The following PXK variants were observed in gnomAD, a reference collection of about 807,000 sequenced individuals.
PXK encodes PX domain containing serine/threonine kinase like.
A neutral mutation model predicts 84.7 loss-of-function variants in PXK; 35 were observed. The observed-to-expected ratio is 0.41, with a 90% CI of 0.32 to 0.55. The LOEUF is 0.55. Ranked by LOEUF, PXK falls within the 20% of genes least tolerant of loss-of-function variation. PXK has a pLI of 0.21. For synonymous variants in PXK, 253 were observed against 260.8 expected, an observed-to-expected ratio of 0.97 and a Z score of 0.29; for missense variants, 634 against 699.7, an observed-to-expected ratio of 0.91 and a Z score of 1.06.
intron 15 of PXK, 72 bp from the exon 16 acceptor site, chr3:58,410,017 CT>C: frequency 1.0e-6 from 1 of 957,520 alleles, no homozygotes; most frequent in Non-Finnish European, 1.6e-6. Context: ...TATTTTTATT[CT>C]AACTCCCAGC....
chr3:58,357,993 C>A (rs1000599650), intron 1 of PXK, among the ~76,000 whole-genome samples: 28 of 151,718 alleles, frequency 1.8e-4, no homozygotes, highest in Admixed American at 7.9e-4. Context: ...AACAAAAAAA[C>A]CAAGAAAGAA....
chr3:58,412,931 C>G lies in PXK; in HGVS notation c.1496C>G (p.Ser499Cys), dbSNP rs753477608. The change falls in exon 17 of 18, where the codon TCC becomes TGC. Residue 499 changes from serine to cysteine, a missense_variant. Around this residue, in one of 3 missense-constraint regions of PXK, gnomAD observed 273 missense variants for 283.6 expected, o/e 0.96. Coordinates refer to ENST00000356151, the MANE Select transcript of PXK (RefSeq NM_017771.5). This position sits in a 1 kb window ranked among gnomAD's most constrained non-coding sequence, Gnocchi z 6.2. Reference protein sequence around the residue: ...AGSGASSPLTSPSSPTPPSTS... With the variant: ...AGSGASSPLTCPSSPTPPSTS... ...TCTGGGGCCAGCTCACCTCTCACGT[C>G]CCCGTCATCGCCAACTCCACCCTCT... 1 of 1,614,160 alleles carries G rather than the reference C, an allele frequency of 6.2e-7. No homozygotes were observed. The highest frequency in any genetic ancestry group is 1.7e-5 in the Admixed American group (1 of 60,026).
Position 58,391,272 on chromosome 3 carries a change from G to T in PXK, c.540+52G>T, listed in dbSNP as rs758617075. 4 of 1,444,508 alleles carry T rather than the reference G, an allele frequency of 2.8e-6. No homozygotes were observed. The South Asian group carries it at 4.6e-5, about 17-fold the overall frequency. 89.5% of individuals were successfully genotyped at this position (1,444,508 alleles called of 1,614,324 possible). A position where few individuals can be genotyped will look rare whatever the true frequency, so the allele number is the denominator to read the frequency against. The stretch of plus-strand genomic sequence containing the variant: ...CTTCAGTGACTTTAGATGGGTTAAT[G>T]AAAGCAGATTTGACAAGAGAATTAC... On this transcript the variant is annotated intron_variant, in intron 6 of 17. Transcript: ENST00000356151.
intron 17 of PXK, chr3:58,423,430 CGT>C: frequency 6.6e-7 from 1 of 1,523,116 alleles, no homozygotes; most frequent in Non-Finnish European, 8.8e-7. Context: ...AGAGCATGAG[CGT>C]GTGTATTTGT....
In PXK at chr3:58,424,962, G is replaced by T. The variant is rs563036901; in HGVS notation, c.*2G>T. The T allele has an allele frequency of 5.8e-5, 94 of 1,614,052 alleles. No homozygotes were observed. In the South Asian group the frequency reaches 1.0e-3, roughly 17 times the overall value. On this transcript the variant is annotated 3_prime_UTR_variant, in exon 18 of 18. Transcript: ENST00000356151. ...CACAGTGCTCCGAAGATCGGCTGAA[G>T]CTTCCTGTTTACACTTGGAGGGAAA...
intron 1 of PXK, among the ~76,000 whole-genome samples, chr3:58,352,577 A>T (rs985070288): frequency 3.0e-4 from 45 of 151,630 alleles, no homozygotes; most frequent in African/African-American, 1.1e-3. Flanking sequence ...AAAGTTTGGT[A>T]TTTTTTTTCT....
intron 4 of PXK, among the ~76,000 whole-genome samples, chr3:58,384,815 A>T (rs1490188462): frequency 6.6e-6 from 1 of 152,200 alleles, no homozygotes; most frequent in Admixed American, 6.5e-5. Flanking sequence ...GCAGGCACAA[A>T]TAAATGTGTT....
At position 58,336,051 on chromosome 3, in the gene PXK, ATATATATATATATATATATATTTTT is replaced by A. The variant is rs1311594267; in HGVS notation, c.102+2963_102+2987del. ...AACCTTGGGAAACATATATATATAT[ATATATATATATATATATATATTTTT>A]TTTTTTTTTTTTTAATACCAATGGG... On this transcript the variant is annotated intron_variant, in intron 1 of 17. Coordinates refer to ENST00000356151, the MANE Select transcript of PXK (RefSeq NM_017771.5). 9.5e-3 allele frequency among the ~76,000 whole-genome samples: 492 copies of A among 52,060 alleles called. 15 individuals carry two copies. The highest frequency in any genetic ancestry group is 0.054 in the African/African-American group (456 of 8,416). 34.2% of individuals were successfully genotyped at this position (52,060 alleles called of 152,430 possible). A position where few individuals can be genotyped will look rare whatever the true frequency, so the allele number is the denominator to read the frequency against.
At chr3:58,352,094 T>C (rs1246855166) in intron 1 of PXK, among the ~76,000 whole-genome samples, 2 of 152,220 alleles carry the variant, frequency 1.3e-5, no homozygotes, top group East Asian at 3.8e-4. Flanking sequence ...TCCAGATCTC[T>C]GTGACTGGAA....
In PXK at chr3:58,340,706, CAA is replaced by C. The variant is rs373596108; in HGVS notation, c.102+7617_102+7618del. ...CACCATTGCACTCCAGCCTTGGTAA[CAA>C]GAGGGAAACTCTGTCTCAAAAAAAA... On this transcript the variant is annotated intron_variant, in intron 1 of 17. Coordinates refer to ENST00000356151, the MANE Select transcript of PXK (RefSeq NM_017771.5). Among the ~76,000 whole-genome samples, 244 of 150,290 alleles carry C rather than the reference CAA, an allele frequency of 1.6e-3. 2 individuals carry two copies. The highest frequency in any genetic ancestry group is 5.3e-3 in the African/African-American group (217 of 40,626).
At chr3:58,371,468 T>G (rs942092489) in intron 3 of PXK, among the ~76,000 whole-genome samples, 2 of 152,262 alleles carry the variant, frequency 1.3e-5, no homozygotes, top group Non-Finnish European at 2.9e-5. Context: ...TGTTTCTGCC[T>G]TTATGCTCAA....
In PXK at chr3:58,348,811, G is replaced by T. The variant is rs146317210; in HGVS notation, c.102+15721G>T. ...ACCTGTAGTCTCAGCTACTCAGGAG[G>T]TTGAGTAGAAGAATCCCTTGAGCCC... On this transcript the variant is annotated intron_variant, in intron 1 of 17. Transcript: ENST00000356151. Among the ~76,000 whole-genome samples, 1,040 of 152,106 alleles carry T rather than the reference G, an allele frequency of 6.8e-3. 10 individuals carry two copies. The highest frequency in any genetic ancestry group is 9.2e-3 in the Non-Finnish European group (626 of 67,976).
intron 1 of PXK, among the ~76,000 whole-genome samples, chr3:58,345,154 G>A (rs1192587720): frequency 6.6e-6 from 1 of 152,168 alleles, no homozygotes; most frequent in Non-Finnish European, 1.5e-5. Context: ...GTACTAAAGG[G>A]CCCCTCTGCC....
rs375639774 is a variant in PXK at position 58,356,896 on chromosome 3, C to T, written c.103-8978C>T. ...GATTAGAGGCGTGAGCCACTGCGCC[C>T]GGCCTCTTTTTTTTTTTTTGTTCAC... On this transcript the variant is annotated intron_variant, in intron 1 of 17. Transcript: ENST00000356151. 7.2e-3 allele frequency among the ~76,000 whole-genome samples: 442 copies of T among 61,472 alleles called. 1 individual carries two copies. The highest frequency in any genetic ancestry group is 0.017 in the African/African-American group (419 of 24,298). The allele number at this position is 61,472 out of a possible 152,430, so 40.3% of individuals were successfully genotyped here.
Position 58,332,914 on chromosome 3 carries a change from C to G in PXK, c.-75C>G. The G allele has an allele frequency of 3.1e-6, 3 of 979,340 alleles. No homozygotes were observed. The highest frequency in any genetic ancestry group is 2.8e-5 in the South Asian group (1 of 35,312). The allele number at this position is 979,340 out of a possible 1,614,324, so 60.7% of individuals were successfully genotyped here. Reference sequence around the variant, plus strand: ...CGTGTTGACAGCGGCGGCGGTGGAACCGGGCGGGCGGCGGGAGTCGGCGCC... The same window carrying G: ...CGTGTTGACAGCGGCGGCGGTGGAAGCGGGCGGGCGGCGGGAGTCGGCGCC... On this transcript the variant is annotated 5_prime_UTR_variant, in exon 1 of 18. Transcript: ENST00000356151. This position sits in a 1 kb window ranked among gnomAD's most constrained non-coding sequence, Gnocchi z 5.6.
chr3:58,376,130 C>T (rs1270401364), intron 3 of PXK, among the ~76,000 whole-genome samples: 3 of 152,010 alleles, frequency 2.0e-5, no homozygotes, highest in Non-Finnish European at 4.4e-5. Flanking sequence ...TATAAATTAG[C>T]CTGGCCGGGC....
At chr3:58,354,749 G>A (rs1258991892) in intron 1 of PXK, among the ~76,000 whole-genome samples, 1 of 151,532 alleles carries the variant, frequency 6.6e-6, no homozygotes, top group Non-Finnish European at 1.5e-5. Context: ...CGCCTGGCCC[G>A]ATTTCTTTAA....
chr3:58,407,343 T>A lies in PXK; in HGVS notation c.1231-1581T>A, dbSNP rs1203247762. Among the ~76,000 whole-genome samples, 1 of 152,218 alleles carries A rather than the reference T, an allele frequency of 6.6e-6. No homozygotes were observed. Among genetic ancestry groups the A allele is most frequent in the African/African-American group, 2.4e-5 (1 of 41,450 alleles). On this transcript the variant is annotated intron_variant, in intron 13 of 17. Coordinates refer to ENST00000356151, the MANE Select transcript of PXK (RefSeq NM_017771.5). The surrounding 1 kb of genome is among the most constrained non-coding windows in gnomAD (Gnocchi z 4.3). ...TCTTTTCATATGTTTTTTGGCCATT[T>A]GTATATTTTCTTTAGAGAAATGTCT...
chr3:58,423,496 TAA>T, intron 17 of PXK: 2 of 1,534,580 alleles, frequency 1.3e-6, no homozygotes, highest in Non-Finnish European at 1.7e-6. Flanking sequence ...TAAAGAAAGG[TAA>T]GTGATTTTCT....
Sources: gnomAD v4.1 joint callset for allele counts (sites outside exome capture counted in the v4.1 genomes callset) on GRCh38, gnomAD v4.1.1 for gene constraint, gnomAD v4.1.1 regional missense constraint, Gnocchi (gnomAD v3.1) non-coding constraint, MANE v1.5 for transcripts, NCBI Gene and HGNC (gene_info 2026-07-23, HGNC 2026-07-21) for gene names.